The following AKNA variants were observed in gnomAD, a reference collection of about 807,000 sequenced individuals.
AKNA encodes the protein microtubule organization protein AKNA.
AKNA carries 67 observed loss-of-function variants against 138.8 expected under a neutral mutation model. The observed-to-expected ratio is 0.48, with a 90% CI of 0.40 to 0.59. The LOEUF (loss-of-function observed/expected upper bound fraction) is 0.59, where lower values mean the gene tolerates loss of function less well. Ranked by LOEUF, AKNA falls within the 20% of genes least tolerant of loss-of-function variation. The probability of loss-of-function intolerance (pLI) is 0.00; values close to 1 mark genes in which losing one functional copy is unlikely to be tolerated. For missense variants in AKNA, 1,813 were observed against 1,880.4 expected (o/e 0.96, Z 0.66); for synonymous variants, 737 against 754.4 (o/e 0.98, Z 0.38).
chr9:114,374,240 T>C, intron 3 of AKNA, 73 bp from the exon 4 acceptor site: 1 of 1,409,338 alleles, frequency 7.1e-7, no homozygotes, highest in South Asian at 1.2e-5. Context: ...GAGACCCTGA[T>C]AGCAAACCCC....
intron 1 of AKNA, among the ~76,000 whole-genome samples, chr9:114,393,382 ATT>A (rs71492776): frequency 3.4e-4 from 48 of 140,208 alleles, no homozygotes; most frequent in East Asian, 6.3e-4. Flanking sequence ...CGCCCAGCTA[ATT>A]TTTTTTTTTT....
At chr9:114,340,236 C>T (rs574681793) in intron 21 of AKNA, among the ~76,000 whole-genome samples, 1 of 152,340 alleles carries the variant, frequency 6.6e-6, no homozygotes, top group Admixed American at 6.5e-5. Flanking sequence ...GCCCTCACTG[C>T]CTACACACCC....
At chr9:114,382,292 A>T (rs1396026008) in intron 1 of AKNA, among the ~76,000 whole-genome samples, 3 of 152,128 alleles carry the variant, frequency 2.0e-5, no homozygotes, top group African/African-American at 2.4e-5. Context: ...GGGGAGGATG[A>T]TGAAAAAAGC....
intron 14 of AKNA, among the ~76,000 whole-genome samples, chr9:114,355,633 G>A (rs113912043): frequency 1.8e-3 from 272 of 152,322 alleles, no homozygotes; most frequent in Admixed American, 2.1e-3. Context: ...CGCCGTGCAC[G>A]CTGTCTGTCG....
upstream of AKNA, among the ~76,000 whole-genome samples, chr9:114,389,411 A>G (rs1834247973): frequency 6.6e-6 from 1 of 152,174 alleles, no homozygotes; most frequent in South Asian, 2.1e-4. Context: ...AGATTTGGGA[A>G]CCACCCATGT....
chr9:114,342,783 C>T (rs903989719), intron 19 of AKNA, among the ~76,000 whole-genome samples: 7 of 151,066 alleles, frequency 4.6e-5, no homozygotes, highest in Non-Finnish European at 1.0e-4. Flanking sequence ...ACTCGTGCTC[C>T]CCTACCCCAG....
At chr9:114,342,883 A>C (rs543859285) in intron 19 of AKNA, among the ~76,000 whole-genome samples, 26 of 151,250 alleles carry the variant, frequency 1.7e-4, no homozygotes, top group Admixed American at 9.2e-4. Context: ...TGAATGAATG[A>C]ATGCATGCAG....
At chr9:114,333,728 G>A (rs1423415403), downstream of AKNA, among the ~76,000 whole-genome samples, 6 of 141,838 alleles carry the variant, frequency 4.2e-5, no homozygotes, top group African/African-American at 1.6e-4. Context: ...ACTTCAACTA[G>A]TCATAAAAAA....
intron 17 of AKNA, among the ~76,000 whole-genome samples, 185 bp from the exon 18 acceptor site, chr9:114,346,194 C>T (rs567288188): frequency 2.2e-4 from 33 of 152,328 alleles, no homozygotes; most frequent in African/African-American, 7.5e-4. Flanking sequence ...AGTCTAGACG[C>T]TCTGTGTGTG....
chr9:114,374,197 T>C (rs937339632), intron 3 of AKNA, 30 bp from the exon 4 acceptor site: 1 of 1,548,934 alleles, frequency 6.5e-7, no homozygotes, highest in South Asian at 1.2e-5. Flanking sequence ...CACGGTCACA[T>C]GCGCAGGCAC....
chr9:114,382,637 A>T (rs906199847), intron 1 of AKNA, among the ~76,000 whole-genome samples: 2 of 152,140 alleles, frequency 1.3e-5, no homozygotes, highest in Admixed American at 1.3e-4. Flanking sequence ...ATAATTGAAA[A>T]ACAGGTGCTC....
downstream of AKNA, among the ~76,000 whole-genome samples, chr9:114,333,994 AGT>A: frequency 8.9e-6 from 1 of 112,690 alleles, no homozygotes; most frequent in African/African-American, 3.4e-5. Flanking sequence ...ATTGTTTAAA[AGT>A]GTGTAGCACC....
At chr9:114,389,767 G>A (rs1488919774), upstream of AKNA, among the ~76,000 whole-genome samples, 1 of 152,204 alleles carries the variant, frequency 6.6e-6, no homozygotes, top group Non-Finnish European at 1.5e-5. Context: ...GCTGATGAAT[G>A]TGTTCTGTGA....
chr9:114,361,579 A>T, intron 9 of AKNA, 125 bp downstream of exon 9: 1 of 1,072,142 alleles, frequency 9.3e-7, no homozygotes, highest in Non-Finnish European at 1.4e-6. Flanking sequence ...TGTAATATTT[A>T]CATATTTGGC....
At chr9:114,342,593 G>C (rs12376587) in intron 19 of AKNA, among the ~76,000 whole-genome samples, 1 of 151,978 alleles carries the variant, frequency 6.6e-6, no homozygotes, top group Non-Finnish European at 1.5e-5. Context: ...GGGGTCAGTA[G>C]AGGCAAAAGG....
downstream of AKNA, chr9:114,331,562 T>G: frequency 6.2e-7 from 1 of 1,611,832 alleles, no homozygotes; most frequent in Non-Finnish European, 8.5e-7. Context: ...CTTTTTCTCT[T>G]CCAGAGGGAG....
chr9:114,343,644 C>T, intron 19 of AKNA, 64 bp downstream of exon 19: 1 of 1,522,182 alleles, frequency 6.6e-7, no homozygotes, highest in East Asian at 2.3e-5. Flanking sequence ...AGTACACACT[C>T]CCCTGAGGGC....
intron 2 of AKNA, among the ~76,000 whole-genome samples, chr9:114,380,732 T>C (rs1283980238): frequency 6.6e-6 from 1 of 151,546 alleles, no homozygotes; most frequent in Non-Finnish European, 1.5e-5. Context: ...TCCCAGCACT[T>C]TGGGAGGCCG....
intron 9 of AKNA, 81 bp downstream of exon 9, chr9:114,361,623 T>C (rs533017133): frequency 7.6e-5 from 111 of 1,464,272 alleles, no homozygotes; most frequent in Non-Finnish European, 7.4e-5. Flanking sequence ...TTCATAAATA[T>C]GTAATACGTA....
Sources: allele counts gnomAD v4.1 joint callset (sites outside exome capture counted in the v4.1 genomes callset), GRCh38; gene constraint gnomAD v4.1.1; transcripts MANE v1.5; gene names NCBI Gene and HGNC (gene_info 2026-07-23, HGNC 2026-07-21).